The following AGPS variants were observed in gnomAD, a reference collection of about 807,000 sequenced individuals.
AGPS encodes the protein alkylglycerone phosphate synthase.
A neutral mutation model predicts 90.7 loss-of-function variants in AGPS; 26 were observed. That is an observed-to-expected ratio of 0.29 (90% confidence interval 0.21 to 0.40). The LOEUF (loss-of-function observed/expected upper bound fraction) is 0.40. Among genes scored for constraint, AGPS ranks in the 10% least tolerant of loss-of-function variants. AGPS has a pLI of 1.00. For missense variants in AGPS, 540 were observed against 816.1 expected, an observed-to-expected ratio of 0.66 and a Z score of 4.12; for synonymous variants, 294 against 285.3, an observed-to-expected ratio of 1.03 and a Z score of -0.31.
At chr2:177,507,726 G>C (rs1163211728) in intron 15 of AGPS, among the ~76,000 whole-genome samples, 2 of 152,192 alleles carry the variant, frequency 1.3e-5, no homozygotes, top group African/African-American at 4.8e-5. Context: ...TTCTTGCCCT[G>C]AGTCAGGCAC....
At chr2:177,523,274 G>A (rs1574031507) in intron 18 of AGPS, among the ~76,000 whole-genome samples, 2 of 152,166 alleles carry the variant, frequency 1.3e-5, no homozygotes, top group African/African-American at 4.8e-5. Context: ...TTTTATCTGT[G>A]AAATGGGAGT....
At chr2:177,421,202 T>C (rs1173573641) in intron 2 of AGPS, among the ~76,000 whole-genome samples, 2 of 152,014 alleles carry the variant, frequency 1.3e-5, no homozygotes, top group Admixed American at 6.6e-5. Flanking sequence ...AGTACAAATA[T>C]GTAATACTTA....
chr2:177,493,206 A>G lies in AGPS; in HGVS notation c.1285+7A>G, dbSNP rs758823139. On this transcript the variant is annotated splice_region_variant and intron_variant, in intron 12 of 19. Transcript: ENST00000264167. ...AACAAGCAGTTTCAGTTTGGTAAGTAAGGAGTGGTAATTTTAAAATGTCAT... is the reference window on the plus strand; with the variant it reads ...AACAAGCAGTTTCAGTTTGGTAAGTGAGGAGTGGTAATTTTAAAATGTCAT... 3.1e-6 allele frequency: 5 copies of G among 1,606,708 alleles called. No individual in the cohort carries two copies. The East Asian group carries it at 8.9e-5, about 29-fold the overall frequency.
chr2:177,514,257 A>G (rs1170204315), intron 17 of AGPS, among the ~76,000 whole-genome samples: 5 of 152,150 alleles, frequency 3.3e-5, no homozygotes, highest in African/African-American at 1.2e-4. Context: ...TACATACTCA[A>G]CATGACTCTG....
At chr2:177,450,417 T>C (rs1686903942) in intron 8 of AGPS, among the ~76,000 whole-genome samples, 1 of 152,204 alleles carries the variant, frequency 6.6e-6, no homozygotes, top group African/African-American at 2.4e-5. Context: ...TAATTTTTAG[T>C]CTTAGATTTA....
intron 18 of AGPS, among the ~76,000 whole-genome samples, chr2:177,523,337 T>TA (rs908742745): frequency 2.6e-5 from 4 of 152,222 alleles, no homozygotes; most frequent in African/African-American, 9.6e-5. Flanking sequence ...GCAGGCAAAT[T>TA]ACTTGGAACT....
intron 1 of AGPS, among the ~76,000 whole-genome samples, chr2:177,397,067 G>A (rs1049580679): frequency 4.0e-5 from 6 of 151,740 alleles, no homozygotes; most frequent in Non-Finnish European, 5.9e-5. Flanking sequence ...AGCCTCCGGA[G>A]TAGCTGGGAT....
At chr2:177,472,938 G>T (rs1687671551) in intron 10 of AGPS, among the ~76,000 whole-genome samples, 2 of 152,198 alleles carry the variant, frequency 1.3e-5, no homozygotes, top group African/African-American at 4.8e-5. Flanking sequence ...CCAGGGCTAT[G>T]GACTACCAAG....
rs71008000 is a variant in AGPS at position 177,528,849 on chromosome 2, C to CTTTTTTTTTT, written c.1855+5058_1855+5067dup. ...TAGCTCTGAATCTTGCATATTAATC[C>CTTTTTTTTTT]TTTTTTTTTTTTTTTTTTTTTTTGA... On this transcript the variant is annotated intron_variant, in intron 19 of 19. Transcript: ENST00000264167. Among the ~76,000 whole-genome samples the CTTTTTTTTTT allele has an allele frequency of 4.3e-4, 34 of 79,156 alleles. 1 individual carries two copies. The highest frequency in any genetic ancestry group is 6.0e-4 in the African/African-American group (12 of 19,850). 51.9% of individuals were successfully genotyped at this position (79,156 alleles called of 152,430 possible). A position where few individuals can be genotyped will look rare whatever the true frequency, so the allele number is the denominator to read the frequency against.
intron 14 of AGPS, among the ~76,000 whole-genome samples, chr2:177,501,691 G>A (rs1230226201): frequency 1.3e-5 from 2 of 151,972 alleles, no homozygotes; most frequent in Non-Finnish European, 2.9e-5. Context: ...GTTTTGAGAC[G>A]GAGTCTTGCT....
At chr2:177,420,433 A>G in intron 2 of AGPS, 75 bp downstream of exon 2, 1 of 1,054,234 alleles carries the variant, frequency 9.5e-7, no homozygotes. Flanking sequence ...ACACACATGA[A>G]AATATAATGA....
At chr2:177,416,419 T>G (rs541445900) in intron 1 of AGPS, among the ~76,000 whole-genome samples, 1 of 152,314 alleles carries the variant, frequency 6.6e-6, no homozygotes, top group Non-Finnish European at 1.5e-5. Flanking sequence ...AATACTTGCT[T>G]TTTCAGTTTG....
rs182014519 is a variant in AGPS at position 177,448,170 on chromosome 2, C to T, written c.870+2544C>T. Reference sequence around the variant, plus strand: ...AGCTATTAGCTCTCACTGCAAACCTCAATATAGCTCCTAGCTGTGTGACCT... The same window carrying T: ...AGCTATTAGCTCTCACTGCAAACCTTAATATAGCTCCTAGCTGTGTGACCT... On this transcript the variant is annotated intron_variant, in intron 8 of 19. Coordinates refer to ENST00000264167, the MANE Select transcript of AGPS (RefSeq NM_003659.4). Among the ~76,000 whole-genome samples the T allele has an allele frequency of 4.7e-4, 72 of 152,162 alleles. 1 individual carries two copies. Among genetic ancestry groups the T allele is most frequent in the Admixed American group, 4.3e-3 (65 of 15,286 alleles).
chr2:177,502,811 G>C (rs573648151), intron 14 of AGPS, among the ~76,000 whole-genome samples: 16 of 152,092 alleles, frequency 1.1e-4, no homozygotes, highest in African/African-American at 3.9e-4. Flanking sequence ...TTTTCTGTAG[G>C]CACTAATTTT....
intron 1 of AGPS, among the ~76,000 whole-genome samples, chr2:177,405,671 TTG>T (rs1315843888): frequency 1.4e-5 from 1 of 69,418 alleles, no homozygotes; most frequent in Non-Finnish European, 3.0e-5. Flanking sequence ...CACTATTCTG[TTG>T]TTTTTTTTTT....
At chr2:177,504,333 C>T (rs1214449348) in intron 14 of AGPS, among the ~76,000 whole-genome samples, 1 of 133,948 alleles carries the variant, frequency 7.5e-6, no homozygotes, top group Non-Finnish European at 1.6e-5. Flanking sequence ...GGCTTTCTAC[C>T]TCCAACCTCA....
chr2:177,463,742 G>T (rs1687366497), intron 9 of AGPS, among the ~76,000 whole-genome samples: 1 of 152,160 alleles, frequency 6.6e-6, no homozygotes, highest in East Asian at 1.9e-4. Flanking sequence ...GAGAAAATTT[G>T]ATCCTTTTGC....
chr2:177,510,850 C>T (rs546219333), intron 16 of AGPS, among the ~76,000 whole-genome samples: 14 of 152,136 alleles, frequency 9.2e-5, no homozygotes, highest in Non-Finnish European at 2.1e-4. Context: ...GGTCTTTTAA[C>T]TTTCACACAT....
At chr2:177,479,241 C>T (rs1318765773) in intron 10 of AGPS, among the ~76,000 whole-genome samples, 1 of 152,100 alleles carries the variant, frequency 6.6e-6, no homozygotes, top group African/African-American at 2.4e-5. Context: ...ATTGAAACCC[C>T]AGTTTTAGTG....
Sources: allele counts gnomAD v4.1 joint callset (sites outside exome capture counted in the v4.1 genomes callset), GRCh38; gene constraint gnomAD v4.1.1; transcripts MANE v1.5; gene names NCBI Gene and HGNC (gene_info 2026-07-23, HGNC 2026-07-21).